Variants in ANKRD13B observed in about 807,000 individuals in gnomAD.
ANKRD13B encodes the protein ankyrin repeat domain-containing protein 13B.
Under a neutral mutation model 74.4 loss-of-function variants are expected in ANKRD13B, and 33 were observed. The ratio of observed to expected loss-of-function variants is 0.44; its 90% CI spans 0.34 to 0.59. ANKRD13B has a LOEUF of 0.59. Ranked by LOEUF, ANKRD13B falls within the 20% of genes least tolerant of loss-of-function variation. The probability of loss-of-function intolerance (pLI) is 0.02; values close to 1 mark genes in which losing one functional copy is unlikely to be tolerated. For missense variants in ANKRD13B, 676 were observed against 877.9 expected, an observed-to-expected ratio of 0.77 and a Z score of 2.91; for synonymous variants, 341 against 362.9, an observed-to-expected ratio of 0.94 and a Z score of 0.68.
rs2034597415 is a variant in ANKRD13B at position 29,612,045 on chromosome 17, G to A, written c.1100+39G>A. The A allele has an allele frequency of 6.2e-7, 1 of 1,608,516 alleles. No individual in the cohort carries two copies. The highest frequency in any genetic ancestry group is 8.5e-7 in the Non-Finnish European group (1 of 1,176,506). Reference sequence around the variant, plus strand: ...CGGTGCTGGGAAGGTGGGGGGCCGGGGCTCCAGGAGATGCTGGGAGGCCAT... The same window carrying A: ...CGGTGCTGGGAAGGTGGGGGGCCGGAGCTCCAGGAGATGCTGGGAGGCCAT... On this transcript the variant is annotated intron_variant, in intron 10 of 14. Coordinates refer to ENST00000394859, the MANE Select transcript of ANKRD13B (RefSeq NM_152345.5). This position sits in a 1 kb window ranked among gnomAD's most constrained non-coding sequence, Gnocchi z 6.1.
At position 29,613,748 on chromosome 17, in the gene ANKRD13B, C is replaced by A; in HGVS notation, c.*166C>A. Reference sequence around the variant, plus strand: ...CGGTTCGGGGAGGGATTCGGCATGGCCGCGGGGTACCTTCCCAGGCCAGGG... The same window carrying A: ...CGGTTCGGGGAGGGATTCGGCATGGACGCGGGGTACCTTCCCAGGCCAGGG... On this transcript the variant is annotated 3_prime_UTR_variant, in exon 15 of 15. Coordinates refer to ENST00000394859, the MANE Select transcript of ANKRD13B (RefSeq NM_152345.5). The A allele has an allele frequency of 8.8e-7, 1 of 1,137,556 alleles. No individual in the cohort carries two copies. The highest frequency in any genetic ancestry group is 1.2e-6 in the Non-Finnish European group (1 of 857,872). 70.5% of individuals were successfully genotyped at this position (1,137,556 alleles called of 1,614,324 possible).
At chr17:29,610,892 T>C (rs1260707200) in intron 8 of ANKRD13B, 126 bp downstream of exon 8, 8 of 920,918 alleles carry the variant, frequency 8.7e-6, no homozygotes, top group Non-Finnish European at 1.3e-5. Flanking sequence ...TTCAGGCCGA[T>C]AGATTTCAAT....
chr17:29,610,299 C>T (rs1363484408), intron 7 of ANKRD13B, among the ~76,000 whole-genome samples: 1 of 152,034 alleles, frequency 6.6e-6, no homozygotes, highest in Non-Finnish European at 1.5e-5. Flanking sequence ...GTGGCATCTC[C>T]TCTGAAAGCC....
At position 29,613,596 on chromosome 17, in the gene ANKRD13B, G is replaced by T; in HGVS notation, c.*14G>T. ...ACCGAGCAGTAGCGCCCCCTGCCGG[G>T]ACCCTCGCCAGCGCCACGCGCGCCA... On this transcript the variant is annotated 3_prime_UTR_variant, in exon 15 of 15. Coordinates refer to ENST00000394859, the MANE Select transcript of ANKRD13B (RefSeq NM_152345.5). The T allele has an allele frequency of 1.4e-6, 2 of 1,412,520 alleles. No homozygotes were observed. Among genetic ancestry groups the T allele is most frequent in the Non-Finnish European group, 1.8e-6 (2 of 1,081,212 alleles). The allele number at this position is 1,412,520 out of a possible 1,614,324, so 87.5% of individuals were successfully genotyped here. A position where few individuals can be genotyped will look rare whatever the true frequency, so the allele number is the denominator to read the frequency against.
intron 1 of ANKRD13B, 72 bp from the exon 2 acceptor site, chr17:29,607,670 G>C: frequency 6.5e-7 from 1 of 1,539,466 alleles, no homozygotes; most frequent in Non-Finnish European, 8.7e-7. Flanking sequence ...GCCTGCTCCA[G>C]GGCTGTCTGG....
intron 1 of ANKRD13B, among the ~76,000 whole-genome samples, chr17:29,606,541 C>T (rs968167090): frequency 1.3e-5 from 2 of 151,266 alleles, no homozygotes; most frequent in Non-Finnish European, 3.0e-5. Context: ...CTGGGTGACA[C>T]AGTGAGACTC....
chr17:29,611,352 C>G lies in ANKRD13B; in HGVS notation c.905-227C>G, dbSNP rs1313631550. 6.6e-6 allele frequency among the ~76,000 whole-genome samples: 1 copy of G among 152,224 alleles called. No homozygotes were observed. Among genetic ancestry groups the G allele is most frequent in the African/African-American group, 2.4e-5 (1 of 41,454 alleles). ...CACTTTTGGAAGTTGCTTCTGACCT[C>G]TAGGCCTTCCTTTTAGTGTTTTAAG... On this transcript the variant is annotated intron_variant, in intron 8 of 14. Coordinates refer to ENST00000394859, the MANE Select transcript of ANKRD13B (RefSeq NM_152345.5). This position sits in a 1 kb window ranked among gnomAD's most constrained non-coding sequence, Gnocchi z 4.3.
Position 29,611,306 on chromosome 17 carries a change from G to A in ANKRD13B, c.905-273G>A, listed in dbSNP as rs373028767. 1.3e-5 allele frequency among the ~76,000 whole-genome samples: 2 copies of A among 152,186 alleles called. No individual in the cohort carries two copies. The highest frequency in any genetic ancestry group is 2.9e-5 in the Non-Finnish European group (2 of 68,032). On this transcript the variant is annotated intron_variant, in intron 8 of 14. Transcript: ENST00000394859. The surrounding 1 kb of genome is among the most constrained non-coding windows in gnomAD (Gnocchi z 4.3). Reference sequence around the variant, plus strand: ...CCGGGGCAGGCGTTTTACTGTCCAGGGTCACCGAGCTGGAGAGGAGCACTT... The same window carrying A: ...CCGGGGCAGGCGTTTTACTGTCCAGAGTCACCGAGCTGGAGAGGAGCACTT...
chr17:29,599,837 T>G (rs1432283186), intron 1 of ANKRD13B, among the ~76,000 whole-genome samples: 1 of 151,354 alleles, frequency 6.6e-6, no homozygotes, highest in Non-Finnish European at 1.5e-5. Context: ...ATCAAGAGAA[T>G]TTCCTCTGGG....
chr17:29,612,308 G>T lies in ANKRD13B; in HGVS notation c.1258+35G>T, dbSNP rs776472363. On this transcript the variant is annotated intron_variant, in intron 11 of 14. Coordinates refer to ENST00000394859, the MANE Select transcript of ANKRD13B (RefSeq NM_152345.5). The surrounding 1 kb of genome is among the most constrained non-coding windows in gnomAD (Gnocchi z 6.1). ...CACGGCCATTTCTCCTGAGCCCGTG[G>T]CGGGCCGACCGGGGTTTAGATGAGG... The T allele has an allele frequency of 6.2e-7, 1 of 1,612,804 alleles. No homozygotes were observed. Among genetic ancestry groups the T allele is most frequent in the Non-Finnish European group, 8.5e-7 (1 of 1,179,074 alleles).
rs772362264 is a variant in ANKRD13B at position 29,611,660 on chromosome 17, G to T, written c.969+17G>T. The stretch of plus-strand genomic sequence containing the variant: ...CAAAATGGGGTGAGTGTGTGCAGGG[G>T]TACCCGTAAGTGGAGGGATGTGGAT... On this transcript the variant is annotated intron_variant, in intron 9 of 14. Transcript: ENST00000394859. The surrounding 1 kb of genome is among the most constrained non-coding windows in gnomAD (Gnocchi z 4.3). 6.2e-7 allele frequency: 1 copy of T among 1,613,144 alleles called. No homozygotes were observed. Among genetic ancestry groups the T allele is most frequent in the Non-Finnish European group, 8.5e-7 (1 of 1,179,108 alleles).
In ANKRD13B at chr17:29,608,996, T is replaced by A; in HGVS notation, c.565+2T>A. On this transcript the variant is annotated splice_donor_variant, in intron 5 of 14. Coordinates refer to ENST00000394859, the MANE Select transcript of ANKRD13B (RefSeq NM_152345.5). LOFTEE classifies it high-confidence loss of function. The surrounding 1 kb of genome is among the most constrained non-coding windows in gnomAD (Gnocchi z 6.4). The stretch of plus-strand genomic sequence containing the variant: ...GCAGCTTTGTCTTCAGGGGCCAAGG[T>A]CAGGCAGGCAGGAAGTGGGGCAGGG... 1.9e-6 allele frequency: 3 copies of A among 1,614,036 alleles called. No homozygotes were observed. Among genetic ancestry groups the A allele is most frequent in the Non-Finnish European group, 2.5e-6 (3 of 1,180,022 alleles).
rs755748963 is a variant in ANKRD13B at position 29,608,835 on chromosome 17, C to T, written c.422-16C>T. Reference sequence around the variant, plus strand: ...CCAGACCAGTCAAAGCCACCTCCAACCTCCGCTTCCACCAGTGCCCCTGGT... The same window carrying T: ...CCAGACCAGTCAAAGCCACCTCCAATCTCCGCTTCCACCAGTGCCCCTGGT... On this transcript the variant is annotated splice_polypyrimidine_tract_variant and intron_variant, in intron 4 of 14. Coordinates refer to ENST00000394859, the MANE Select transcript of ANKRD13B (RefSeq NM_152345.5). This position sits in a 1 kb window ranked among gnomAD's most constrained non-coding sequence, Gnocchi z 6.4. 2.5e-6 allele frequency: 4 copies of T among 1,613,880 alleles called. No individual in the cohort carries two copies. The East Asian group carries it at 6.7e-5, about 27-fold the overall frequency.
At chr17:29,604,288 A>C (rs763257890) in intron 1 of ANKRD13B, among the ~76,000 whole-genome samples, 33 of 151,528 alleles carry the variant, frequency 2.2e-4, no homozygotes, top group Non-Finnish European at 3.7e-4. Flanking sequence ...AGCTCATTGC[A>C]GCCTCAACCT....
chr17:29,613,625 C>T lies in ANKRD13B; in HGVS notation c.*43C>T, dbSNP rs2034693577. ...CTCGCCAGCGCCACGCGCGCCACGCCCAGGGCCAGGAGCCAGACAAACCCC... is the reference window on the plus strand; with the variant it reads ...CTCGCCAGCGCCACGCGCGCCACGCTCAGGGCCAGGAGCCAGACAAACCCC... On this transcript the variant is annotated 3_prime_UTR_variant, in exon 15 of 15. Coordinates refer to ENST00000394859, the MANE Select transcript of ANKRD13B (RefSeq NM_152345.5). The T allele has an allele frequency of 5.7e-6, 8 of 1,395,782 alleles. No homozygotes were observed. The highest frequency in any genetic ancestry group is 3.7e-4 in the Middle Eastern group (2 of 5,364). The allele number at this position is 1,395,782 out of a possible 1,614,324, so 86.5% of individuals were successfully genotyped here.
Position 29,613,496 on chromosome 17 carries a change from C to T in ANKRD13B, c.1795C>T (p.Gln599Ter). 6.5e-7 allele frequency: 1 copy of T among 1,532,012 alleles called. No individual in the cohort carries two copies. The highest frequency in any genetic ancestry group is 8.8e-7 in the Non-Finnish European group (1 of 1,141,282). 94.9% of individuals were successfully genotyped at this position (1,532,012 alleles called of 1,614,324 possible). A position where few individuals can be genotyped will look rare whatever the true frequency, so the allele number is the denominator to read the frequency against. Residue 599 changes from glutamine (Q) to a stop codon, truncating the protein, a stop_gained, in exon 15 of 15, where the codon CAG becomes TAG. Coordinates refer to ENST00000394859, the MANE Select transcript of ANKRD13B (RefSeq NM_152345.5). LOFTEE classifies it high-confidence loss of function. ...QLRLAMELSA[Q>*]EQEERRRRAR... ...GCGGCTGGCGATGGAACTGTCGGCG[C>T]AGGAGCAGGAGGAGAGGCGGCGGCG...
intron 1 of ANKRD13B, among the ~76,000 whole-genome samples, chr17:29,598,479 C>T (rs950583149): frequency 2.6e-5 from 4 of 151,750 alleles, no homozygotes; most frequent in South Asian, 4.2e-4. Context: ...TTTATACTGC[C>T]CTCTCCCCTC....
At chr17:29,596,929 T>A (rs528082605) in intron 1 of ANKRD13B, among the ~76,000 whole-genome samples, 4 of 152,170 alleles carry the variant, frequency 2.6e-5, no homozygotes, top group Non-Finnish European at 5.9e-5. Context: ...GAGGGAGAAG[T>A]CCAGGGTGCG....
chr17:29,604,703 G>A (rs1462006391), intron 1 of ANKRD13B, among the ~76,000 whole-genome samples: 1 of 151,548 alleles, frequency 6.6e-6, no homozygotes, highest in Admixed American at 6.6e-5. Flanking sequence ...CACCAAGCCC[G>A]GCTAATTTTT....
Sources: gnomAD v4.1 joint callset for allele counts (sites outside exome capture counted in the v4.1 genomes callset) on GRCh38, gnomAD v4.1.1 for gene constraint, Gnocchi (gnomAD v3.1) non-coding constraint, MANE v1.5 for transcripts, NCBI Gene and HGNC (gene_info 2026-07-23, HGNC 2026-07-21) for gene names.